KLHL12: variants seen among roughly 807,000 people sequenced by gnomAD.
The protein encoded by KLHL12 is kelch like family member 12.
Under a neutral mutation model 60.8 loss-of-function variants are expected in KLHL12, and 17 were observed. The observed-to-expected ratio is 0.28, with a 90% CI of 0.19 to 0.42. KLHL12 has a LOEUF of 0.42. Ranked by LOEUF, KLHL12 falls within the 10% of genes least tolerant of loss-of-function variation. The pLI is 1.00. For missense variants in KLHL12, 468 were observed against 722.3 expected (o/e 0.65, Z 4.04); for synonymous variants, 220 against 250.9 (o/e 0.88, Z 1.16).
chr1:202,898,607 C>T (rs537180800), intron 6 of KLHL12, among the ~76,000 whole-genome samples: 1 of 152,186 alleles, frequency 6.6e-6, no homozygotes, highest in East Asian at 1.9e-4. Context: ...AGTTTACAGG[C>T]AATACATGGG....
chr1:202,903,903 C>T (rs1660100520), intron 6 of KLHL12, among the ~76,000 whole-genome samples: 1 of 151,082 alleles, frequency 6.6e-6, no homozygotes, highest in East Asian at 2.0e-4. Flanking sequence ...CAGGTGTGAG[C>T]CACTGCTCTT....
intron 6 of KLHL12, among the ~76,000 whole-genome samples, chr1:202,905,249 A>G (rs1468660748): frequency 1.3e-5 from 2 of 152,262 alleles, no homozygotes; most frequent in African/African-American, 4.8e-5. Context: ...CTGTTCAGAG[A>G]TATGCAAGAA....
chr1:202,927,519 CAAAA>C (rs869139683), upstream of KLHL12, among the ~76,000 whole-genome samples: 37 of 52,796 alleles, frequency 7.0e-4, no homozygotes, highest in African/African-American at 2.5e-3. Context: ...CCCGTTTCTA[CAAAA>C]AAAAAAAAAA....
rs1203862499 is a variant in KLHL12 at position 202,893,324 on chromosome 1, A to C, written c.1495T>G (p.Ser499Ala). Residue 499 changes from serine (S) to alanine (A), a missense_variant, in exon 11 of 12, where the codon TCC becomes GCC. Transcript: ENST00000367261. This position sits in a 1 kb window ranked among gnomAD's most constrained non-coding sequence, Gnocchi z 4.1. Reference protein sequence around the residue: ...SVEAYNIRTDSWTTVTSMTTP... With the variant: ...SVEAYNIRTDAWTTVTSMTTP... ...GTCATACTGGTGACAGTTGTCCAGG[A>C]ATCAGTGCGAATGTTGTATGCTTCA... is the stretch of plus-strand genomic sequence containing the variant. 1 of 1,613,924 alleles carries C rather than the reference A, an allele frequency of 6.2e-7. No homozygotes were observed. Among genetic ancestry groups the C allele is most frequent in the East Asian group, 2.2e-5 (1 of 44,886 alleles).
Position 202,919,780 on chromosome 1 carries a change from A to G in KLHL12, c.324T>C (p.Pro108=). Reference sequence around the variant, plus strand: ...CTTTCAACTGAAGCAGACAGGCTGCAGGAAGCAGTTCTTGTACATTCTCCA... The same window carrying G: ...CTTTCAACTGAAGCAGACAGGCTGCGGGAAGCAGTTCTTGTACATTCTCCA... ...VTVENVQELL[P]AACLLQLKGV... The change falls in exon 3 of 12, where the codon CCT becomes CCC. Residue 108 remains proline, a synonymous_variant. Transcript: ENST00000367261. 6.2e-7 allele frequency: 1 copy of G among 1,612,170 alleles called. No individual in the cohort carries two copies. Among genetic ancestry groups the G allele is most frequent in the Non-Finnish European group, 8.5e-7 (1 of 1,179,420 alleles).
chr1:202,919,505 A>T (rs1660620888), intron 3 of KLHL12, among the ~76,000 whole-genome samples: 1 of 148,994 alleles, frequency 6.7e-6, no homozygotes, highest in Non-Finnish European at 1.5e-5. Flanking sequence ...TCCTTCCTCC[A>T]TTTTTTTTTT....
At position 202,909,101 on chromosome 1, in the gene KLHL12, T is replaced by C. The variant is rs114058403; in HGVS notation, c.741A>G (p.Gln247=). Residue 247 remains glutamine, a synonymous_variant, in exon 6 of 12, where the codon CAA becomes CAG. Transcript: ENST00000367261. This position sits in a 1 kb window ranked among gnomAD's most constrained non-coding sequence, Gnocchi z 4.1. ...DAEPFIRCSL[Q]CRDLVDEAKK... is the part of the protein sequence containing the mutation. ...TTGCTTCATCAACCAGATCCCTGCA[T>C]TGTAAACTACAGCGGATGAAAGGCT... The C allele has an allele frequency of 7.7e-4, 1,246 of 1,613,738 alleles. 6 individuals carry two copies. The African/African-American group carries it at 0.015, about 20-fold the overall frequency.
At chr1:202,902,930 G>A (rs1465011473) in intron 6 of KLHL12, among the ~76,000 whole-genome samples, 1 of 152,008 alleles carries the variant, frequency 6.6e-6, no homozygotes, top group African/African-American at 2.4e-5. Context: ...TCCAGGAAGT[G>A]GACGCTGCAG....
chr1:202,903,159 CAAAAAAAAAA>C (rs67432749), intron 6 of KLHL12, among the ~76,000 whole-genome samples: 3 of 52,020 alleles, frequency 5.8e-5, no homozygotes, highest in African/African-American at 2.2e-4. Flanking sequence ...GACCTTGTCT[CAAAAAAAAAA>C]AAAAAAAAAA....
At chr1:202,912,805 G>A (rs953120602) in intron 4 of KLHL12, 2 of 871,380 alleles carry the variant, frequency 2.3e-6, no homozygotes, top group Non-Finnish European at 3.7e-6. Flanking sequence ...ACAGATTTGT[G>A]AACTCAGCCA....
intron 7 of KLHL12, among the ~76,000 whole-genome samples, chr1:202,896,115 G>T (rs1449501469): frequency 6.6e-6 from 1 of 152,196 alleles, no homozygotes; most frequent in Non-Finnish European, 1.5e-5. Flanking sequence ...AAAGGTAGGA[G>T]GGTTGGATTT....
At chr1:202,910,787 A>G (rs1013982419) in intron 5 of KLHL12, among the ~76,000 whole-genome samples, 3 of 152,206 alleles carry the variant, frequency 2.0e-5, no homozygotes, top group African/African-American at 7.2e-5. Flanking sequence ...TCAAGTGTTT[A>G]TATAAAACAC....
rs200732718 is a variant in KLHL12 at position 202,906,144 on chromosome 1, AATT to A, written c.832+2863_832+2865del. On this transcript the variant is annotated intron_variant, in intron 6 of 11. Coordinates refer to ENST00000367261, the MANE Select transcript of KLHL12 (RefSeq NM_021633.4). ...ACCCAACCCAATTTTTAAAAATAAT[AATT>A]ATTTTTTAAAAAACAAAAGTAATGG... Among the ~76,000 whole-genome samples, 1,140 of 146,984 alleles carry A rather than the reference AATT, an allele frequency of 7.8e-3. 14 individuals are homozygous for A. Among genetic ancestry groups the A allele is most frequent in the African/African-American group, 0.022 (899 of 40,458 alleles).
chr1:202,903,996 C>CTATCTATG (rs1553236668), intron 6 of KLHL12, among the ~76,000 whole-genome samples: 4 of 147,304 alleles, frequency 2.7e-5, no homozygotes, highest in East Asian at 2.0e-4. Context: ...ATCTATGTAT[C>CTATCTATG]TATCTATCTA....
rs1660288637 is a variant in KLHL12, at chr1:202,909,370, G to A, written c.718-246C>T. Reference sequence around the variant, plus strand: ...CAAATGATATAAACAGATATGTTGAGCAGTATTTCCCATCTATCGCAGCGC... The same window carrying A: ...CAAATGATATAAACAGATATGTTGAACAGTATTTCCCATCTATCGCAGCGC... On this transcript the variant is annotated intron_variant, in intron 5 of 11. Transcript: ENST00000367261. This position sits in a 1 kb window ranked among gnomAD's most constrained non-coding sequence, Gnocchi z 4.1. Among the ~76,000 whole-genome samples, 1 of 151,360 alleles carries A rather than the reference G, an allele frequency of 6.6e-6. No homozygotes were observed. The highest frequency in any genetic ancestry group is 6.6e-5 in the Admixed American group (1 of 15,156).
At chr1:202,906,781 C>G (rs1660206611) in intron 6 of KLHL12, among the ~76,000 whole-genome samples, 2 of 152,080 alleles carry the variant, frequency 1.3e-5, no homozygotes, top group Non-Finnish European at 2.9e-5. Context: ...CCTGCCTCAG[C>G]CTCCAGAGTA....
Position 202,911,206 on chromosome 1 carries a change from G to C in KLHL12, c.568-3C>G, listed in dbSNP as rs1660344270. ...AAGACTGGCTCTTCAGAATCCACCT[G>C]TAAATGTATAATTACACACCGTGGA... On this transcript the variant is annotated splice_polypyrimidine_tract_variant and splice_region_variant and intron_variant, in intron 4 of 11. Transcript: ENST00000367261. The C allele has an allele frequency of 1.2e-6, 2 of 1,613,754 alleles. 1 individual carries two copies. Among genetic ancestry groups the C allele is most frequent in the Non-Finnish European group, 1.7e-6 (2 of 1,179,892 alleles).
chr1:202,905,144 C>T (rs1660144199), intron 6 of KLHL12, among the ~76,000 whole-genome samples: 1 of 152,116 alleles, frequency 6.6e-6, no homozygotes, highest in Non-Finnish European at 1.5e-5. Context: ...GAAAAATAAC[C>T]TCAAGACTAT....
At chr1:202,897,150 G>T (rs563790221) in intron 6 of KLHL12, among the ~76,000 whole-genome samples, 190 bp from the exon 7 acceptor site, 20 of 151,754 alleles carry the variant, frequency 1.3e-4, no homozygotes, top group African/African-American at 4.1e-4. Flanking sequence ...TGTAGCTCTC[G>T]AGTCTCTGAA....
Sources: allele counts gnomAD v4.1 joint callset (sites outside exome capture counted in the v4.1 genomes callset), GRCh38; gene constraint gnomAD v4.1.1; non-coding constraint Gnocchi (gnomAD v3.1); transcripts MANE v1.5; gene names NCBI Gene and HGNC (gene_info 2026-07-23, HGNC 2026-07-21).